Variants in PPP1R21 observed in about 807,000 individuals in gnomAD.
PPP1R21 encodes KLRAQ motif containing 1.
A neutral mutation model predicts 112.8 loss-of-function variants in PPP1R21; 85 were observed. That is an observed-to-expected ratio of 0.75 (90% CI 0.63 to 0.90). The LOEUF (loss-of-function observed/expected upper bound fraction) is 0.90, where lower values mean the gene tolerates loss of function less well. Ranked by LOEUF, PPP1R21 falls within the 40% of genes least tolerant of loss-of-function variation. The probability of loss-of-function intolerance (pLI) is 0.00; values close to 1 mark genes in which losing one functional copy is unlikely to be tolerated. For missense variants in PPP1R21, 1,199 were observed against 901.5 expected, an observed-to-expected ratio of 1.33 and a Z score of -4.23; for synonymous variants, 381 against 322.3, an observed-to-expected ratio of 1.18 and a Z score of -1.95.
At chr2:48,493,987 C>G (rs1028995692) in intron 15 of PPP1R21, among the ~76,000 whole-genome samples, 1 of 143,754 alleles carries the variant, frequency 7.0e-6, no homozygotes, top group Non-Finnish European at 1.5e-5. Flanking sequence ...TTTGGGATGC[C>G]AGGGTGGGAG....
intron 17 of PPP1R21, among the ~76,000 whole-genome samples, chr2:48,500,693 C>G (rs924914534): frequency 2.6e-5 from 4 of 152,048 alleles, no homozygotes; most frequent in African/African-American, 7.2e-5. Flanking sequence ...GGTGGATTGC[C>G]TGAGCTCAGG....
At chr2:48,509,220 G>A (rs370718463) in intron 19 of PPP1R21, among the ~76,000 whole-genome samples, 2 of 152,154 alleles carry the variant, frequency 1.3e-5, no homozygotes, top group Middle Eastern at 3.4e-3. Context: ...TGTAAGTAGC[G>A]CATAATCTGT....
chr2:48,458,860 A>G (rs1335387201), intron 4 of PPP1R21, among the ~76,000 whole-genome samples: 1 of 152,124 alleles, frequency 6.6e-6, no homozygotes, highest in Non-Finnish European at 1.5e-5. Context: ...TGGGAGGCCA[A>G]GGTGGGCGGA....
chr2:48,459,648 A>T, intron 4 of PPP1R21, 106 bp from the exon 5 acceptor site: 1 of 1,239,682 alleles, frequency 8.1e-7, no homozygotes, highest in Non-Finnish European at 1.1e-6. Context: ...CATAGTCAGC[A>T]TATGGAACCA....
At chr2:48,503,364 C>T (rs563335365) in intron 17 of PPP1R21, among the ~76,000 whole-genome samples, 1 of 152,234 alleles carries the variant, frequency 6.6e-6, no homozygotes, top group South Asian at 2.1e-4. Flanking sequence ...TAGAAACTTA[C>T]TGATTTCATA....
chr2:48,491,655 A>G (rs1335605371), intron 15 of PPP1R21, among the ~76,000 whole-genome samples: 5 of 152,212 alleles, frequency 3.3e-5, no homozygotes, highest in Non-Finnish European at 7.3e-5. Flanking sequence ...AGAAAACAAT[A>G]TATTTATATC....
At chr2:48,461,549 G>C (rs1667980724) in intron 7 of PPP1R21, among the ~76,000 whole-genome samples, 1 of 152,148 alleles carries the variant, frequency 6.6e-6, no homozygotes, top group Non-Finnish European at 1.5e-5. Flanking sequence ...AAAAATTGTT[G>C]ATTGGGGTGG....
Position 48,461,233 on chromosome 2 carries a change from G to A in PPP1R21, c.694+1G>A. On this transcript the variant is annotated splice_donor_variant, in intron 7 of 21. Transcript: ENST00000294952. LOFTEE classifies it high-confidence loss of function. ...GAAAAAGTACCTTTTAATGATACAA[G>A]TAGGTATTATGTACAGTTTTCCATT... is the stretch of plus-strand genomic sequence containing the variant. 6.4e-7 allele frequency: 1 copy of A among 1,563,938 alleles called. No individual in the cohort carries two copies. Among genetic ancestry groups the A allele is most frequent in the Non-Finnish European group, 8.6e-7 (1 of 1,162,548 alleles).
chr2:48,456,034 AAAT>A (rs755938957), intron 3 of PPP1R21, among the ~76,000 whole-genome samples: 17,319 of 133,174 alleles, frequency 0.13, 1,620 homozygotes, highest in Admixed American at 0.17. Context: ...AAAAAAAAAA[AAAT>A]AGTAGCAGTT....
At chr2:48,506,177 C>T (rs979349476) in intron 18 of PPP1R21, among the ~76,000 whole-genome samples, 2 of 152,320 alleles carry the variant, frequency 1.3e-5, no homozygotes, top group South Asian at 2.1e-4. Context: ...TTACTGCAAC[C>T]TCTGCCTCCG....
chr2:48,459,081 G>A (rs1159137101), intron 4 of PPP1R21, among the ~76,000 whole-genome samples: 71 of 126,668 alleles, frequency 5.6e-4, no homozygotes, highest in Non-Finnish European at 9.7e-4. Flanking sequence ...GACAGAGTGA[G>A]ACTCTGTCTC....
chr2:48,508,820 AT>A (rs967236855), intron 19 of PPP1R21, among the ~76,000 whole-genome samples: 30 of 152,060 alleles, frequency 2.0e-4, no homozygotes, highest in Non-Finnish European at 4.0e-4. Flanking sequence ...TAGCTGAGGA[AT>A]TTTTTTTAGG....
At chr2:48,450,249 G>A (rs750540318) in intron 1 of PPP1R21, among the ~76,000 whole-genome samples, 49 of 152,286 alleles carry the variant, frequency 3.2e-4, no homozygotes, top group South Asian at 6.2e-4. Context: ...CAAACTGGTA[G>A]AGTCTGAATC....
intron 16 of PPP1R21, among the ~76,000 whole-genome samples, chr2:48,496,794 A>G (rs142169379): frequency 2.0e-3 from 305 of 152,252 alleles, no homozygotes; most frequent in African/African-American, 6.8e-3. Flanking sequence ...GTCCAGTCAC[A>G]TTTCTTCATG....
At position 48,469,515 on chromosome 2, in the gene PPP1R21, T is replaced by TAGAGC. The variant is rs1668404680; in HGVS notation, c.898-1571_898-1570insGAGCA. Among the ~76,000 whole-genome samples, 18 of 16,232 alleles carry TAGAGC rather than the reference T, an allele frequency of 1.1e-3. 4 individuals are homozygous for TAGAGC. Among genetic ancestry groups the TAGAGC allele is most frequent in the African/African-American group, 5.8e-3 (18 of 3,108 alleles). The allele number at this position is 16,232 out of a possible 152,430, so 10.6% of individuals were successfully genotyped here. A position where few individuals can be genotyped will look rare whatever the true frequency, so the allele number is the denominator to read the frequency against. On this transcript the variant is annotated intron_variant, in intron 9 of 21. Coordinates refer to ENST00000294952, the MANE Select transcript of PPP1R21 (RefSeq NM_001135629.3). ...TATATATATATATATAGAGCATATA[T>TAGAGC]ATATATATATATATATATATAGAGC... is the stretch of plus-strand genomic sequence containing the variant.
rs147062361 is a variant in PPP1R21, at chr2:48,514,739, C to G, written c.2338C>G (p.Arg780Gly). 1.9e-6 allele frequency: 3 copies of G among 1,611,496 alleles called. No homozygotes were observed. The highest frequency in any genetic ancestry group is 2.5e-6 in the Non-Finnish European group (3 of 1,178,756). The stretch of plus-strand genomic sequence containing the variant: ...GGGGAATTCTAAAAAGAACAAGAGT[C>G]GATAGTTTTGAAATAGCTGGTTGGC... ...SKGNSKKNKS[R>G] Residue 780 changes from arginine (R) to glycine (G), a missense_variant, in exon 22 of 22, where the codon CGA becomes GGA. Coordinates refer to ENST00000294952, the MANE Select transcript of PPP1R21 (RefSeq NM_001135629.3).
At chr2:48,442,664 G>A (rs1378407094) in intron 1 of PPP1R21, among the ~76,000 whole-genome samples, 2 of 152,172 alleles carry the variant, frequency 1.3e-5, no homozygotes, top group East Asian at 3.8e-4. Flanking sequence ...CATTGGATAA[G>A]CGTTGAGGTT....
At chr2:48,494,058 CAAAAAAAAAAA>C (rs70943344) in intron 15 of PPP1R21, among the ~76,000 whole-genome samples, 1 of 63,236 alleles carries the variant, frequency 1.6e-5, no homozygotes, top group African/African-American at 6.7e-5. Context: ...CTCGTCTCTC[CAAAAAAAAAAA>C]AAAAAAAAAA....
intron 20 of PPP1R21, 122 bp from the exon 21 acceptor site, chr2:48,511,218 T>C (rs916699663): frequency 8.4e-6 from 8 of 956,068 alleles, no homozygotes; most frequent in African/African-American, 1.6e-5. Flanking sequence ...TTTTGAAATA[T>C]ACAGTAAATT....
Sources: gnomAD v4.1 joint callset for allele counts (sites outside exome capture counted in the v4.1 genomes callset) on GRCh38, gnomAD v4.1.1 for gene constraint, MANE v1.5 for transcripts, NCBI Gene and HGNC (gene_info 2026-07-23, HGNC 2026-07-21) for gene names.